SPAG16: variants seen among roughly 807,000 people sequenced by gnomAD.
The protein encoded by SPAG16 is sperm-associated antigen 16 protein.
SPAG16 carries 86 observed loss-of-function variants against 80.4 expected under a neutral mutation model. The ratio of observed to expected loss-of-function variants is 1.07; its 90% CI spans 0.90 to 1.28. The LOEUF is 1.28. SPAG16 is among the 50% of genes most tolerant of loss of function. The probability of loss-of-function intolerance (pLI) is 0.00; values close to 1 mark genes in which losing one functional copy is unlikely to be tolerated. For synonymous variants in SPAG16, 294 were observed against 265.9 expected (o/e 1.11, Z -1.03); for missense variants, 870 against 765.3 (o/e 1.14, Z -1.61).
chr2:213,297,022 A>G (rs1048565212), intron 2 of SPAG16: 12 of 1,305,840 alleles, frequency 9.2e-6, no homozygotes, highest in Non-Finnish European at 1.2e-5. Flanking sequence ...TCTATTATAG[A>G]TAAAAGCAGT....
chr2:214,300,448 T>C (rs1307322027), intron 15 of SPAG16, among the ~76,000 whole-genome samples: 1 of 152,156 alleles, frequency 6.6e-6, no homozygotes, highest in Non-Finnish European at 1.5e-5. Context: ...AAGTTTTTTA[T>C]GAGTCCAATG....
intron 1 of SPAG16, among the ~76,000 whole-genome samples, chr2:213,291,599 A>G (rs1041342814): frequency 3.3e-5 from 5 of 152,112 alleles, no homozygotes; most frequent in African/African-American, 7.2e-5. Flanking sequence ...AAATTGAGCT[A>G]TTTATGTGAT....
At chr2:214,031,651 A>G (rs1391134968) in intron 13 of SPAG16, among the ~76,000 whole-genome samples, 4 of 151,812 alleles carry the variant, frequency 2.6e-5, no homozygotes, top group African/African-American at 9.7e-5. Context: ...AAAAATAAAA[A>G]GAGCTACCTG....
At chr2:214,186,095 A>G (rs1439503467) in intron 15 of SPAG16, among the ~76,000 whole-genome samples, 3 of 152,186 alleles carry the variant, frequency 2.0e-5, no homozygotes, top group Non-Finnish European at 4.4e-5. Flanking sequence ...TGAGCTGAAA[A>G]TTAAATGATT....
At chr2:214,384,357 T>C (rs1432105386) in intron 15 of SPAG16, among the ~76,000 whole-genome samples, 2 of 152,234 alleles carry the variant, frequency 1.3e-5, no homozygotes, top group East Asian at 1.9e-4. Context: ...CTAGAGATGC[T>C]ACAGATAATC....
intron 10 of SPAG16, among the ~76,000 whole-genome samples, chr2:213,733,356 TG>T (rs2067142227): frequency 6.6e-6 from 1 of 152,074 alleles, no homozygotes; most frequent in Non-Finnish European, 1.5e-5. Flanking sequence ...TGGAAGGGGT[TG>T]AAATGGGAAC....
intron 5 of SPAG16, among the ~76,000 whole-genome samples, chr2:213,323,011 C>T (rs2063688749): frequency 6.6e-6 from 1 of 152,102 alleles, no homozygotes; most frequent in South Asian, 2.1e-4. Context: ...GCATGTGAAG[C>T]TAATAGTTTG....
chr2:214,396,457 G>T (rs559360663), intron 15 of SPAG16, among the ~76,000 whole-genome samples: 1 of 151,968 alleles, frequency 6.6e-6, no homozygotes, highest in Non-Finnish European at 1.5e-5. Context: ...GGTAATAATG[G>T]TGATCTGTAA....
chr2:213,685,518 A>G (rs1184602902), intron 10 of SPAG16, among the ~76,000 whole-genome samples: 2 of 152,180 alleles, frequency 1.3e-5, no homozygotes, highest in Admixed American at 1.3e-4. Flanking sequence ...GGCACAATAA[A>G]TTTCTGTTGT....
At chr2:214,013,381 A>G (rs899418383) in intron 12 of SPAG16, among the ~76,000 whole-genome samples, 1 of 152,096 alleles carries the variant, frequency 6.6e-6, no homozygotes, top group African/African-American at 2.4e-5. Flanking sequence ...TGTAATATAC[A>G]ATATTTTAAT....
intron 15 of SPAG16, among the ~76,000 whole-genome samples, chr2:214,159,622 A>G (rs1307113590): frequency 6.6e-6 from 1 of 151,976 alleles, no homozygotes; most frequent in Non-Finnish European, 1.5e-5. Context: ...TTCAAACTAT[A>G]TTCAAATATG....
At chr2:213,783,316 A>AT (rs113376553) in intron 10 of SPAG16, among the ~76,000 whole-genome samples, 333 of 15,494 alleles carry the variant, frequency 0.021, 1 homozygote, top group African/African-American at 0.031. Flanking sequence ...TTAGAGTATA[A>AT]TAAAAAAAAA....
chr2:213,932,949 AACACACACACACACAC>A (rs3076792), intron 12 of SPAG16, among the ~76,000 whole-genome samples: 6 of 144,044 alleles, frequency 4.2e-5, no homozygotes, highest in Admixed American at 2.8e-4. Context: ...GTTGTTTGAA[AACACACACACACACAC>A]ACACACACAC....
At chr2:214,089,166 T>C (rs1286889430) in intron 13 of SPAG16, among the ~76,000 whole-genome samples, 1 of 152,086 alleles carries the variant, frequency 6.6e-6, no homozygotes, top group Non-Finnish European at 1.5e-5. Context: ...CTGGGTCTTC[T>C]GTGCCTATCC....
At chr2:213,394,457 C>T (rs1220399011) in intron 9 of SPAG16, among the ~76,000 whole-genome samples, 1 of 152,008 alleles carries the variant, frequency 6.6e-6, no homozygotes, top group Non-Finnish European at 1.5e-5. Flanking sequence ...CCCAGTTTCC[C>T]CTAACGGTTA....
chr2:213,321,004 C>T (rs2063586917), intron 5 of SPAG16, among the ~76,000 whole-genome samples: 1 of 152,030 alleles, frequency 6.6e-6, no homozygotes, highest in Non-Finnish European at 1.5e-5. Flanking sequence ...TAGTAATAAA[C>T]ATGAGATTCC....
At chr2:213,678,669 A>T (rs569126017) in intron 10 of SPAG16, among the ~76,000 whole-genome samples, 77 of 152,066 alleles carry the variant, frequency 5.1e-4, no homozygotes, top group African/African-American at 1.7e-3. Flanking sequence ...TTTCTGTCCT[A>T]CCCTCCTACT....
chr2:213,791,224 G>A (rs1269675066), intron 10 of SPAG16, among the ~76,000 whole-genome samples: 1 of 151,798 alleles, frequency 6.6e-6, no homozygotes, highest in Non-Finnish European at 1.5e-5. Context: ...AACCTGGAAT[G>A]TGTGTGTGGG....
intron 13 of SPAG16, among the ~76,000 whole-genome samples, chr2:214,019,193 A>G (rs2047735228): frequency 6.6e-6 from 1 of 152,214 alleles, no homozygotes; most frequent in Non-Finnish European, 1.5e-5. Flanking sequence ...AAAAGGCTCA[A>G]TGTACATACA....
Sources: gnomAD v4.1 joint callset for allele counts (sites outside exome capture counted in the v4.1 genomes callset) on GRCh38, gnomAD v4.1.1 for gene constraint, MANE v1.5 for transcripts, NCBI Gene and HGNC (gene_info 2026-07-23, HGNC 2026-07-21) for gene names.